The following STARD13 variants were observed in gnomAD, a reference collection of about 807,000 sequenced individuals.
STARD13 encodes the protein stAR-related lipid transfer protein 13.
In STARD13, 62 loss-of-function variants were observed where a neutral mutation model predicts 106.4. That is an observed-to-expected ratio of 0.58 (90% CI 0.48 to 0.72). The LOEUF (loss-of-function observed/expected upper bound fraction) is 0.72. Among genes scored for constraint, STARD13 ranks in the 30% least tolerant of loss-of-function variants. STARD13 has a pLI of 0.00. For synonymous variants in STARD13, 565 were observed against 553.0 expected (o/e 1.02, Z -0.31); for missense variants, 1,387 against 1,424.0 (o/e 0.97, Z 0.42).
At position 33,285,694 on chromosome 13, in the gene STARD13, C is replaced by T. The variant is rs1892025715; in HGVS notation, c.-56G>A. The T allele has an allele frequency of 1.3e-6, 2 of 1,597,914 alleles. No homozygotes were observed. Among genetic ancestry groups the T allele is most frequent in the South Asian group, 1.1e-5 (1 of 87,622 alleles). On this transcript the variant is annotated 5_prime_UTR_variant, in exon 1 of 14. Coordinates refer to ENST00000336934, the MANE Select transcript of STARD13 (RefSeq NM_178006.4). ...TGCCTGTGGCTGTTGCCGTCTGTCT[C>T]CAGTCTCAGTCAAAGAGCAAGGCAC...
chr13:33,571,263 T>C, the STARD13 span, among the ~76,000 whole-genome samples: 1 of 152,186 alleles, frequency 6.6e-6, no homozygotes, highest in Non-Finnish European at 1.5e-5. Flanking sequence ...GCAATTATAA[T>C]TCATGTTGTG....
At chr13:33,175,365 AAC>A (rs1884408234) in intron 1 of STARD13, among the ~76,000 whole-genome samples, 2 of 152,178 alleles carry the variant, frequency 1.3e-5, no homozygotes, top group South Asian at 4.1e-4. Context: ...CAAGGCAGGG[AAC>A]ACAGAGTTGA....
chr13:33,371,442 G>T, the STARD13 span, among the ~76,000 whole-genome samples: 1 of 152,180 alleles, frequency 6.6e-6, no homozygotes. Flanking sequence ...CATGGTGAAG[G>T]TTAAGAAAAA....
chr13:33,161,213 T>C (rs1882586727), intron 3 of STARD13, among the ~76,000 whole-genome samples: 1 of 152,134 alleles, frequency 6.6e-6, no homozygotes, highest in Non-Finnish European at 1.5e-5. Context: ...AGCAAAACTA[T>C]AGGTACAAAA....
chr13:33,253,516 C>T (rs1250522722), intron 1 of STARD13, among the ~76,000 whole-genome samples: 3 of 152,120 alleles, frequency 2.0e-5, no homozygotes, highest in Non-Finnish European at 4.4e-5. Context: ...CAACAAGGGC[C>T]GCAGCGTGTA....
chr13:33,662,260 T>A, the STARD13 span, among the ~76,000 whole-genome samples: 24 of 124,614 alleles, frequency 1.9e-4, no homozygotes, highest in African/African-American at 9.8e-4. Flanking sequence ...AGACCCCGTC[T>A]CAAAAAAAAA....
At chr13:33,404,218 A>G in the STARD13 span, among the ~76,000 whole-genome samples, 1 of 152,340 alleles carries the variant, frequency 6.6e-6, no homozygotes, top group Middle Eastern at 3.4e-3. Context: ...GGACATCTTG[A>G]TAAGAAGCAG....
At chr13:33,194,192 C>G (rs749303558) in intron 1 of STARD13, among the ~76,000 whole-genome samples, 1 of 152,020 alleles carries the variant, frequency 6.6e-6, no homozygotes, top group Non-Finnish European at 1.5e-5. Context: ...AAAAGTCACA[C>G]GGAGAAGGCA....
chr13:33,404,755 T>C, the STARD13 span, among the ~76,000 whole-genome samples: 1 of 150,792 alleles, frequency 6.6e-6, no homozygotes, highest in African/African-American at 2.4e-5. Flanking sequence ...GGGGAGGATG[T>C]CAGAATCACC....
chr13:33,521,737 A>G, the STARD13 span, among the ~76,000 whole-genome samples: 2 of 152,164 alleles, frequency 1.3e-5, no homozygotes, highest in African/African-American at 4.8e-5. Context: ...AAAATTAAAT[A>G]TTCCCTATGT....
intron 1 of STARD13, among the ~76,000 whole-genome samples, chr13:33,219,396 T>G (rs1381911211): frequency 6.6e-6 from 1 of 151,706 alleles, no homozygotes; most frequent in African/African-American, 2.4e-5. Flanking sequence ...TTACATGATT[T>G]GTGGATCCCA....
the STARD13 span, among the ~76,000 whole-genome samples, chr13:33,574,401 C>A: frequency 7.9e-3 from 1,206 of 152,218 alleles, 16 homozygotes; most frequent in African/African-American, 0.027. Flanking sequence ...ATTATAGATA[C>A]TTTCAAATTA....
the STARD13 span, among the ~76,000 whole-genome samples, chr13:33,644,059 CA>C: frequency 6.6e-6 from 1 of 152,186 alleles, no homozygotes; most frequent in African/African-American, 2.4e-5. Context: ...GGGAAATTCC[CA>C]ATTGGCAACC....
chr13:33,671,371 T>C, the STARD13 span, among the ~76,000 whole-genome samples: 1 of 152,266 alleles, frequency 6.6e-6, no homozygotes, highest in African/African-American at 2.4e-5. Flanking sequence ...CCTTCTTGAA[T>C]AGGATTATGT....
At chr13:33,188,759 A>G (rs1594076225) in intron 1 of STARD13, among the ~76,000 whole-genome samples, 1 of 152,366 alleles carries the variant, frequency 6.6e-6, no homozygotes, top group East Asian at 1.9e-4. Flanking sequence ...AGACTTTAAT[A>G]TCAGATCCTC....
chr13:33,216,570 G>C (rs1484167244), intron 1 of STARD13, among the ~76,000 whole-genome samples: 2 of 152,150 alleles, frequency 1.3e-5, no homozygotes, highest in African/African-American at 2.4e-5. Flanking sequence ...GGGGGAAAGG[G>C]TGGGAAGGAG....
chr13:33,184,335 T>C (rs1885541905), intron 1 of STARD13, among the ~76,000 whole-genome samples: 1 of 152,212 alleles, frequency 6.6e-6, no homozygotes, highest in Admixed American at 6.5e-5. Flanking sequence ...AGAATGAAGA[T>C]ACAAACAAGC....
Position 33,212,976 on chromosome 13 carries a change from C to T in STARD13, c.170-45354G>A, listed in dbSNP as rs925369131. ...GGCAACCTACCCCTTATCTCTGCTA[C>T]GTTCTTGTTTTGAAGCAAATCAAGG... On this transcript the variant is annotated intron_variant, in intron 1 of 13. Coordinates refer to ENST00000336934, the MANE Select transcript of STARD13 (RefSeq NM_178006.4). Among the ~76,000 whole-genome samples the T allele has an allele frequency of 4.6e-5, 7 of 152,174 alleles. No homozygotes were observed. The East Asian group carries it at 5.8e-4, about 13-fold the overall frequency.
At chr13:33,481,982 C>T in the STARD13 span, among the ~76,000 whole-genome samples, 30 of 125,334 alleles carry the variant, frequency 2.4e-4, no homozygotes, top group African/African-American at 8.6e-4. Context: ...GACTCCGTCT[C>T]GAAAAAAAAA....
Sources: allele counts gnomAD v4.1 joint callset (sites outside exome capture counted in the v4.1 genomes callset), GRCh38; gene constraint gnomAD v4.1.1; transcripts MANE v1.5; gene names NCBI Gene and HGNC (gene_info 2026-07-23, HGNC 2026-07-21).